Variants in PLD5 observed in about 807,000 individuals in gnomAD.
PLD5 encodes the protein phospholipase D family member 5.
Under a neutral mutation model 61.1 loss-of-function variants are expected in PLD5, and 36 were observed. The ratio of observed to expected loss-of-function variants is 0.59; its 90% CI spans 0.45 to 0.78. The LOEUF (loss-of-function observed/expected upper bound fraction) is 0.78, where lower values mean the gene tolerates loss of function less well. Among genes scored for constraint, PLD5 ranks in the 30% least tolerant of loss-of-function variants. The pLI, the probability that PLD5 is intolerant of heterozygous loss-of-function variation, is 0.00. For synonymous variants in PLD5, 243 were observed against 242.8 expected (o/e 1.00, Z -0.01); for missense variants, 515 against 644.4 (o/e 0.80, Z 2.17).
At chr1:242,310,630 T>C (rs1676643843) in intron 2 of PLD5, among the ~76,000 whole-genome samples, 1 of 152,218 alleles carries the variant, frequency 6.6e-6, no homozygotes, top group Non-Finnish European at 1.5e-5. Context: ...TTAAAAGTAA[T>C]AACAAAAATC....
upstream of PLD5, among the ~76,000 whole-genome samples, chr1:242,525,966 T>C (rs1300874261): frequency 6.6e-6 from 1 of 152,208 alleles, no homozygotes; most frequent in East Asian, 1.9e-4. Flanking sequence ...TGAACTATAT[T>C]GTGCAATAGA....
At chr1:242,434,036 A>G (rs1268064831) in intron 1 of PLD5, among the ~76,000 whole-genome samples, 1 of 152,224 alleles carries the variant, frequency 6.6e-6, no homozygotes, top group Non-Finnish European at 1.5e-5. Flanking sequence ...GAAAGCTGCT[A>G]GTAAGTCAAG....
rs1392071684 is a variant in PLD5, at chr1:242,089,581, A to G, written c.*273T>C. 3.7e-6 allele frequency: 2 copies of G among 545,218 alleles called. No individual in the cohort carries two copies. The highest frequency in any genetic ancestry group is 3.4e-5 in the Admixed American group (1 of 29,412). 33.8% of individuals were successfully genotyped at this position (545,218 alleles called of 1,614,324 possible). ...AGTTCTAAAACTAGAAAGGAGCAGG[A>G]ATGAAAGTCTTAAAATTTGTATGCA... On this transcript the variant is annotated 3_prime_UTR_variant, in exon 10 of 10. Coordinates refer to ENST00000536534, the MANE Select transcript of PLD5 (RefSeq NM_001372062.1).
At chr1:242,257,322 T>A (rs921983047) in intron 4 of PLD5, among the ~76,000 whole-genome samples, 9 of 152,170 alleles carry the variant, frequency 5.9e-5, no homozygotes, top group African/African-American at 2.2e-4. Flanking sequence ...TAATCACTTA[T>A]AGGTCTGTGT....
rs1170448796 is a variant in PLD5 at position 242,524,339 on chromosome 1, G to A, written c.-63C>T. The A allele has an allele frequency of 2.1e-5, 28 of 1,335,186 alleles. No individual in the cohort carries two copies. The highest frequency in any genetic ancestry group is 2.5e-5 in the Non-Finnish European group (26 of 1,044,884). The allele number at this position is 1,335,186 out of a possible 1,614,324, so 82.7% of individuals were successfully genotyped here. ...TCGGGACGGGCGCGCGGGGAGCCGGGCGCGGAGGGCGAGCGGGAGGCCCAG... is the reference window on the plus strand; with the variant it reads ...TCGGGACGGGCGCGCGGGGAGCCGGACGCGGAGGGCGAGCGGGAGGCCCAG... On this transcript the variant is annotated 5_prime_UTR_variant, in exon 1 of 10. Transcript: ENST00000536534.
At chr1:242,423,325 C>A (rs534602029) in intron 1 of PLD5, among the ~76,000 whole-genome samples, 23 of 152,120 alleles carry the variant, frequency 1.5e-4, no homozygotes, top group African/African-American at 5.3e-4. Flanking sequence ...GAGAGAAAAG[C>A]CTTGTACTGA....
chr1:242,499,756 G>T (rs1668491651), intron 1 of PLD5, among the ~76,000 whole-genome samples: 1 of 152,010 alleles, frequency 6.6e-6, no homozygotes, highest in Non-Finnish European at 1.5e-5. Context: ...CTATTTTGTT[G>T]TGCTCATGGA....
At chr1:242,349,915 A>G (rs1660377970) in intron 1 of PLD5, among the ~76,000 whole-genome samples, 1 of 152,136 alleles carries the variant, frequency 6.6e-6, no homozygotes, top group Non-Finnish European at 1.5e-5. Context: ...ACATGCACCT[A>G]TAGTCCCAGC....
intron 1 of PLD5, among the ~76,000 whole-genome samples, chr1:242,407,653 C>G (rs998304760): frequency 6.6e-6 from 1 of 150,602 alleles, no homozygotes; most frequent in African/African-American, 2.4e-5. Context: ...AATCTCAGCT[C>G]ACTGCAACCT....
intron 9 of PLD5, 91 bp downstream of exon 9, chr1:242,100,573 CCTTG>C (rs1660602551): frequency 1.2e-6 from 1 of 856,098 alleles, no homozygotes; most frequent in Admixed American, 2.1e-5. Context: ...GTTCCCAAGG[CCTTG>C]CTTCCTCACC....
intron 5 of PLD5, among the ~76,000 whole-genome samples, chr1:242,152,576 A>G (rs1372846160): frequency 2.0e-5 from 3 of 151,122 alleles, no homozygotes; most frequent in Non-Finnish European, 2.9e-5. Context: ...TCATTGTTCA[A>G]CTCCAAGTTA....
intron 9 of PLD5, among the ~76,000 whole-genome samples, chr1:242,096,307 C>A (rs371014354): frequency 2.0e-5 from 3 of 151,054 alleles, no homozygotes; most frequent in Non-Finnish European, 2.9e-5. Flanking sequence ...ATCGATCGAT[C>A]GAAAGATCGA....
intron 1 of PLD5, among the ~76,000 whole-genome samples, chr1:242,506,848 C>T (rs937543053): frequency 2.0e-5 from 3 of 152,162 alleles, no homozygotes; most frequent in Non-Finnish European, 2.9e-5. Flanking sequence ...AGCGGATGTG[C>T]GGGAGCTCAG....
intron 5 of PLD5, among the ~76,000 whole-genome samples, chr1:242,194,673 T>C (rs900045540): frequency 1.3e-5 from 2 of 150,724 alleles, no homozygotes; most frequent in Non-Finnish European, 3.0e-5. Context: ...TATCTACCTA[T>C]CTATGATAGA....
chr1:242,409,755 T>G (rs1489821085), intron 1 of PLD5, among the ~76,000 whole-genome samples: 1 of 152,138 alleles, frequency 6.6e-6, no homozygotes, highest in Admixed American at 6.5e-5. Context: ...ATGAAAAAAT[T>G]GCCCCTCCCA....
chr1:242,325,555 T>C (rs937667184), intron 2 of PLD5, among the ~76,000 whole-genome samples: 1 of 151,768 alleles, frequency 6.6e-6, no homozygotes, highest in Non-Finnish European at 1.5e-5. Context: ...TGGAGTGCAG[T>C]GGCGCGATCT....
At chr1:242,378,366 T>G (rs1662085064) in intron 1 of PLD5, among the ~76,000 whole-genome samples, 1 of 151,840 alleles carries the variant, frequency 6.6e-6, no homozygotes, top group South Asian at 2.1e-4. Flanking sequence ...AAAGGAGGAA[T>G]GGGGAGCAAT....
At chr1:242,130,254 G>A (rs146596673) in intron 5 of PLD5, among the ~76,000 whole-genome samples, 5 of 152,194 alleles carry the variant, frequency 3.3e-5, no homozygotes, top group South Asian at 4.2e-4. Flanking sequence ...GTTTCACCAC[G>A]TTGGCCAGGC....
chr1:242,233,623 C>A (rs975918458), intron 4 of PLD5, among the ~76,000 whole-genome samples: 2 of 151,994 alleles, frequency 1.3e-5, no homozygotes, highest in Admixed American at 1.3e-4. Context: ...AAGAAGCAAG[C>A]AAGGAAGCAA....
Sources: gnomAD v4.1 joint callset for allele counts (sites outside exome capture counted in the v4.1 genomes callset) on GRCh38, gnomAD v4.1.1 for gene constraint, MANE v1.5 for transcripts, NCBI Gene and HGNC (gene_info 2026-07-23, HGNC 2026-07-21) for gene names.